The following SLC36A1 variants were observed in gnomAD, a reference collection of about 807,000 sequenced individuals.
SLC36A1 encodes solute carrier family 36 member 1, also known as proton-coupled amino acid transporter 1.
In SLC36A1, 30 loss-of-function variants were observed where a neutral mutation model predicts 47.5. That is an observed-to-expected ratio of 0.63 (90% CI 0.47 to 0.86). The LOEUF (loss-of-function observed/expected upper bound fraction) is 0.86, where lower values mean the gene tolerates loss of function less well. SLC36A1 is among the 40% of genes least tolerant of loss of function. The pLI is 0.00. For synonymous variants in SLC36A1, 255 were observed against 249.7 expected, an observed-to-expected ratio of 1.02 and a Z score of -0.20; for missense variants, 517 against 606.0, an observed-to-expected ratio of 0.85 and a Z score of 1.54.
the SLC36A1 span, among the ~76,000 whole-genome samples, chr5:151,402,781 A>G: frequency 6.6e-6 from 1 of 151,994 alleles, no homozygotes; most frequent in African/African-American, 2.4e-5. Flanking sequence ...TAGATTTTCT[A>G]GTTTGTGTAT....
At chr5:151,389,937 G>A in the SLC36A1 span, among the ~76,000 whole-genome samples, 1 of 152,076 alleles carries the variant, frequency 6.6e-6, no homozygotes, top group African/African-American at 2.4e-5. Context: ...TAATGGGATG[G>A]CTGGATCAAA....
the SLC36A1 span, among the ~76,000 whole-genome samples, chr5:151,429,088 G>A: frequency 6.6e-6 from 1 of 152,192 alleles, no homozygotes; most frequent in African/African-American, 2.4e-5. Context: ...CCAGGTATAA[G>A]TGCTAGTTGC....
At chr5:151,458,354 T>C (rs56353612) in intron 1 of SLC36A1, among the ~76,000 whole-genome samples, 17,063 of 120,230 alleles carry the variant, frequency 0.14, 1,519 homozygotes, top group East Asian at 0.42. Flanking sequence ...TATATATATA[T>C]ATACACACAC....
chr5:151,358,980 C>CAAA, the SLC36A1 span, among the ~76,000 whole-genome samples: 40 of 46,236 alleles, frequency 8.7e-4, 2 homozygotes, highest in African/African-American at 2.4e-3. Flanking sequence ...GACTCCGTCT[C>CAAA]AAAAAAAAAA....
the SLC36A1 span, among the ~76,000 whole-genome samples, chr5:151,405,343 CTTTTTT>C: frequency 1.6e-4 from 14 of 85,268 alleles, no homozygotes; most frequent in South Asian, 2.7e-3. Flanking sequence ...CTCTCTTTCT[CTTTTTT>C]TTTTTTTTTT....
the SLC36A1 span, among the ~76,000 whole-genome samples, chr5:151,497,403 G>T: frequency 5.3e-5 from 8 of 151,924 alleles, no homozygotes; most frequent in African/African-American, 1.9e-4. Context: ...ATTGATTTTT[G>T]AATATTGAAC....
chr5:151,384,552 A>G, the SLC36A1 span, among the ~76,000 whole-genome samples: 1 of 152,218 alleles, frequency 6.6e-6, no homozygotes, highest in East Asian at 1.9e-4. Flanking sequence ...CAGATTCAGT[A>G]ATTTAATCAC....
chr5:151,374,273 C>T, the SLC36A1 span, among the ~76,000 whole-genome samples: 1 of 152,216 alleles, frequency 6.6e-6, no homozygotes, highest in Non-Finnish European at 1.5e-5. Context: ...AAACCCCTGT[C>T]CTGTCCTCAC....
At chr5:151,398,254 A>G in the SLC36A1 span, among the ~76,000 whole-genome samples, 2 of 152,164 alleles carry the variant, frequency 1.3e-5, no homozygotes, top group African/African-American at 4.8e-5. Context: ...CATCATTATT[A>G]TAATTTTTGT....
In SLC36A1 at chr5:151,488,576, C is replaced by T; in HGVS notation, c.*322C>T. ...CTCTGCTGGTGCACCTCGCCCAACT[C>T]ATTCTTACTGCACAGTTCACTTTAT... On this transcript the variant is annotated 3_prime_UTR_variant, in exon 11 of 11. Transcript: ENST00000243389. 1 of 382,128 alleles carries T rather than the reference C, an allele frequency of 2.6e-6. No individual in the cohort carries two copies. Among genetic ancestry groups the T allele is most frequent in the African/African-American group, 2.0e-5 (1 of 49,344 alleles). The allele number at this position is 382,128 out of a possible 1,614,324, so 23.7% of individuals were successfully genotyped here. A position where few individuals can be genotyped will look rare whatever the true frequency, so the allele number is the denominator to read the frequency against.
chr5:151,545,313 C>T, the SLC36A1 span: 3 of 1,614,152 alleles, frequency 1.9e-6, no homozygotes, highest in East Asian at 4.5e-5. Context: ...TGATGGTGAG[C>T]TTCCGAGAGA....
the SLC36A1 span, among the ~76,000 whole-genome samples, chr5:151,533,714 T>C: frequency 2.0e-5 from 3 of 151,992 alleles, no homozygotes; most frequent in African/African-American, 7.3e-5. Flanking sequence ...TTGGACAGGT[T>C]ATATACATAT....
the SLC36A1 span, chr5:151,531,606 G>A: frequency 6.2e-7 from 1 of 1,612,794 alleles, no homozygotes; most frequent in African/African-American, 1.3e-5. The surrounding 1 kb of genome is among the most constrained non-coding windows in gnomAD (Gnocchi z 5.7). Flanking sequence ...CATCCAGGCG[G>A]AACCTGCCTT....
the SLC36A1 span, chr5:151,382,337 T>C: frequency 1.1e-6 from 1 of 889,550 alleles, no homozygotes; most frequent in Non-Finnish European, 1.8e-6. Flanking sequence ...TCAGCCTCCC[T>C]GTAGATCTGG....
the SLC36A1 span, among the ~76,000 whole-genome samples, chr5:151,351,791 A>G: frequency 2.9e-3 from 435 of 152,230 alleles, 4 homozygotes; most frequent in African/African-American, 9.9e-3. Flanking sequence ...TTGGAAAACT[A>G]GCTTCCTAAC....
the SLC36A1 span, among the ~76,000 whole-genome samples, chr5:151,503,616 C>T: frequency 4.0e-5 from 6 of 151,888 alleles, no homozygotes; most frequent in East Asian, 3.9e-4. Flanking sequence ...ATTTAGCTGG[C>T]GACTAAGGGT....
At chr5:151,385,009 A>AGAGAGTGTGTGTGTGTGTGT in the SLC36A1 span, among the ~76,000 whole-genome samples, 31 of 128,522 alleles carry the variant, frequency 2.4e-4, no homozygotes, top group African/African-American at 3.3e-4. Flanking sequence ...AGAGAGAGAG[A>AGAGAGTGTGTGTGTGTGTGT]GTGTGTGTGT....
At chr5:151,553,876 C>T in the SLC36A1 span, among the ~76,000 whole-genome samples, 1 of 152,154 alleles carries the variant, frequency 6.6e-6, no homozygotes, top group Non-Finnish European at 1.5e-5. Context: ...TCAGTGTGGT[C>T]GATTCACCTG....
chr5:151,508,865 GA>G, the SLC36A1 span, among the ~76,000 whole-genome samples: 1 of 152,172 alleles, frequency 6.6e-6, no homozygotes, highest in Non-Finnish European at 1.5e-5. Context: ...GGGATCCACT[GA>G]GAGCTTGTTA....
Sources: gnomAD v4.1 joint callset for allele counts (sites outside exome capture counted in the v4.1 genomes callset) on GRCh38, gnomAD v4.1.1 for gene constraint, Gnocchi (gnomAD v3.1) non-coding constraint, MANE v1.5 for transcripts, NCBI Gene and HGNC (gene_info 2026-07-23, HGNC 2026-07-21) for gene names.